The following TNRC6B variants were observed in gnomAD, a reference collection of about 807,000 sequenced individuals.
The protein encoded by TNRC6B is trinucleotide repeat containing adaptor 6B, also known as trinucleotide repeat-containing gene 6B protein.
Under a neutral mutation model 203.6 loss-of-function variants are expected in TNRC6B, and 52 were observed. The observed-to-expected ratio is 0.26, with a 90% CI of 0.20 to 0.32. The LOEUF is 0.32. TNRC6B is among the 10% of genes least tolerant of loss of function. The probability of loss-of-function intolerance (pLI) is 1.00; values close to 1 mark genes in which losing one functional copy is unlikely to be tolerated. For missense variants in TNRC6B, 1,923 were observed against 2,286.2 expected, an observed-to-expected ratio of 0.84 and a Z score of 3.24; for synonymous variants, 838 against 845.7, an observed-to-expected ratio of 0.99 and a Z score of 0.16.
chr22:40,211,272 G>T (rs890622795), intron 1 of TNRC6B, among the ~76,000 whole-genome samples: 4 of 152,230 alleles, frequency 2.6e-5, no homozygotes, highest in Admixed American at 2.0e-4. Context: ...TAGAAAGGAG[G>T]TCTTGCCATG....
At chr22:40,156,393 G>A (rs1380111907) in intron 4 of TNRC6B, among the ~76,000 whole-genome samples, 1 of 152,120 alleles carries the variant, frequency 6.6e-6, no homozygotes, top group African/African-American at 2.4e-5. Context: ...TTTCACACTC[G>A]CCTAATCAAA....
intron 3 of TNRC6B, among the ~76,000 whole-genome samples, chr22:40,253,338 C>T (rs539539111): frequency 3.9e-4 from 59 of 151,602 alleles, no homozygotes; most frequent in Non-Finnish European, 6.3e-4. Flanking sequence ...GATCCGCCTG[C>T]CTCGGCCTCC....
chr22:40,053,351 G>A (rs537720914), intron 1 of TNRC6B, among the ~76,000 whole-genome samples: 32 of 152,214 alleles, frequency 2.1e-4, no homozygotes, highest in African/African-American at 7.2e-4. Flanking sequence ...TCCAGAATTC[G>A]GGCAGAGTTG....
chr22:40,234,520 A>G (rs1024276292), intron 1 of TNRC6B, among the ~76,000 whole-genome samples: 56 of 152,218 alleles, frequency 3.7e-4, no homozygotes, highest in African/African-American at 1.4e-3. Context: ...ATTCTAAATA[A>G]GAATCTGCGT....
chr22:40,281,271 A>T lies in TNRC6B; in HGVS notation c.3564A>T (p.Gln1188His). ...LGAIGTGLNP[Q>H]NFAARQGGSH... Reference sequence around the variant, plus strand: ...CAATCGGCACAGGGCTCAACCCCCAAAACTTCGCTGCTAGACAAGTAAGGA... The same window carrying T: ...CAATCGGCACAGGGCTCAACCCCCATAACTTCGCTGCTAGACAAGTAAGGA... The change falls in exon 11 of 23, where the codon CAA becomes CAT. Residue 1188 changes from glutamine (Q) to histidine (H), a missense_variant. By Grantham distance (24) the Gln-to-His change is conservative. Coordinates refer to ENST00000454349, the MANE Select transcript of TNRC6B (RefSeq NM_001162501.2). 4 of 1,546,164 alleles carry T rather than the reference A, an allele frequency of 2.6e-6. No homozygotes were observed. Among genetic ancestry groups the T allele is most frequent in the Non-Finnish European group, 3.5e-6 (4 of 1,144,566 alleles).
intron 1 of TNRC6B, among the ~76,000 whole-genome samples, chr22:40,211,172 G>T (rs190314147): frequency 6.6e-6 from 1 of 152,154 alleles, no homozygotes; most frequent in Admixed American, 6.5e-5. Context: ...GAGTGTAGTG[G>T]CATGCTCCTG....
intron 1 of TNRC6B, among the ~76,000 whole-genome samples, chr22:40,193,332 A>G (rs2069297507): frequency 6.6e-6 from 1 of 152,186 alleles, no homozygotes; most frequent in Admixed American, 6.5e-5. Context: ...TTGAATGAAT[A>G]AGTGAATCAA....
intron 7 of TNRC6B, among the ~76,000 whole-genome samples, chr22:40,274,190 G>A (rs917758755): frequency 1.3e-5 from 2 of 151,890 alleles, no homozygotes; most frequent in African/African-American, 4.8e-5. Flanking sequence ...GGCTCTCAAG[G>A]CATACTTTAT....
At chr22:40,252,793 T>TA (rs1237340806) in intron 3 of TNRC6B, among the ~76,000 whole-genome samples, 1 of 152,368 alleles carries the variant, frequency 6.6e-6, no homozygotes, top group East Asian at 1.9e-4. Flanking sequence ...GTGTTATGCA[T>TA]ACTGGTACAG....
intron 1 of TNRC6B, among the ~76,000 whole-genome samples, chr22:40,183,914 C>G (rs1371017021): frequency 2.0e-5 from 3 of 152,152 alleles, no homozygotes; most frequent in African/African-American, 7.2e-5. Flanking sequence ...CCAGGCTGAT[C>G]TCGAACTCCT....
At chr22:40,223,906 T>G (rs1042366666) in intron 1 of TNRC6B, among the ~76,000 whole-genome samples, 5 of 152,232 alleles carry the variant, frequency 3.3e-5, no homozygotes, top group Non-Finnish European at 5.9e-5. Context: ...AATGCCTTTT[T>G]CTGTGTTACC....
At chr22:40,256,712 C>T (rs1246651621) in intron 3 of TNRC6B, among the ~76,000 whole-genome samples, 1 of 152,142 alleles carries the variant, frequency 6.6e-6, no homozygotes, top group Non-Finnish European at 1.5e-5. Flanking sequence ...TATTTACTAT[C>T]TGGCCCTTTA....
At chr22:40,190,683 G>A (rs779591157) in intron 1 of TNRC6B, among the ~76,000 whole-genome samples, 19 of 152,226 alleles carry the variant, frequency 1.2e-4, no homozygotes, top group Middle Eastern at 3.2e-3. Context: ...CTGCCCTGGT[G>A]TGATAATGCT....
At chr22:40,295,961 G>A (rs2070933719) in intron 12 of TNRC6B, among the ~76,000 whole-genome samples, 1 of 152,178 alleles carries the variant, frequency 6.6e-6, no homozygotes, top group Admixed American at 6.5e-5. Flanking sequence ...AGCCCTCCCT[G>A]TCTGTGATTT....
chr22:40,131,357 A>G (rs536935895), intron 3 of TNRC6B, among the ~76,000 whole-genome samples: 3 of 151,290 alleles, frequency 2.0e-5, no homozygotes, highest in South Asian at 4.2e-4. Context: ...AGGATTATAT[A>G]TTCTTCGGGA....
At position 40,330,454 on chromosome 22, in the gene TNRC6B, A is replaced by G. The variant is rs1388450105; in HGVS notation, c.*7213A>G. 2.0e-5 allele frequency: 3 copies of G among 152,260 alleles called. No individual in the cohort carries two copies. Among genetic ancestry groups the G allele is most frequent in the Non-Finnish European group, 4.4e-5 (3 of 68,056 alleles). 9.4% of individuals were successfully genotyped at this position (152,260 alleles called of 1,614,324 possible). On this transcript the variant is annotated 3_prime_UTR_variant, in exon 23 of 23. Transcript: ENST00000454349. The stretch of plus-strand genomic sequence containing the variant: ...GACTAGCCCTACAGAAGAGCTTTAC[A>G]GAGAGGAGGACAGTACATCCTATGT...
chr22:40,301,068 T>A, intron 14 of TNRC6B, 63 bp downstream of exon 14: 1 of 1,574,764 alleles, frequency 6.4e-7, no homozygotes, highest in South Asian at 1.2e-5. Context: ...GCTTAGCCTC[T>A]GATGGCAAAG....
chr22:40,052,271 T>TA (rs2067753531), intron 1 of TNRC6B, among the ~76,000 whole-genome samples: 2 of 152,122 alleles, frequency 1.3e-5, no homozygotes, highest in Admixed American at 6.5e-5. Context: ...AGTGATTACT[T>TA]ACGGTCTTTA....
At chr22:40,156,463 C>G (rs148199529) in intron 4 of TNRC6B, among the ~76,000 whole-genome samples, 31 of 152,292 alleles carry the variant, frequency 2.0e-4, no homozygotes, top group Non-Finnish European at 3.7e-4. Flanking sequence ...TGAACTAATT[C>G]TGTTTGGTTG....
Sources: allele counts gnomAD v4.1 joint callset (sites outside exome capture counted in the v4.1 genomes callset), GRCh38; gene constraint gnomAD v4.1.1; transcripts MANE v1.5; gene names NCBI Gene and HGNC (gene_info 2026-07-23, HGNC 2026-07-21).